Variants in DCAF1 observed in about 807,000 individuals in gnomAD.
DCAF1 encodes the protein DDB1 and CUL4 associated factor 1, also known as DDB1- and CUL4-associated factor 1.
Under a neutral mutation model 128.0 loss-of-function variants are expected in DCAF1, and 15 were observed. The observed-to-expected ratio is 0.12, with a 90% CI of 0.08 to 0.18. DCAF1 has a LOEUF of 0.18. Among genes scored for constraint, DCAF1 ranks in the 10% least tolerant of loss-of-function variants. DCAF1 has a pLI of 1.00. For missense variants in DCAF1, 988 were observed against 1,649.5 expected (o/e 0.60, Z 6.95); for synonymous variants, 610 against 603.0 (o/e 1.01, Z -0.17).
rs1283011955 is a variant in DCAF1, at chr3:51,398,781, A to C, written c.4512T>G (p.Ser1504=). The C allele has an allele frequency of 6.3e-7, 1 of 1,590,544 alleles. No homozygotes were observed. The highest frequency in any genetic ancestry group is 1.8e-5 in the Admixed American group (1 of 56,760). ...CAGTGATGGCTCCTCACTCATTCAG[A>C]GATAAGATGATGTCATCTTCCAAAT... ...NSDLEDDIIL[S]LNE Residue 1504 remains serine (S), a synonymous_variant, in exon 25 of 25, where the codon TCT becomes TCG. Transcript: ENST00000684031.
At chr3:51,503,095 C>T (rs566428327), upstream of DCAF1, among the ~76,000 whole-genome samples, 5 of 152,178 alleles carry the variant, frequency 3.3e-5, no homozygotes, top group African/African-American at 4.8e-5. Flanking sequence ...ATTTATTGAC[C>T]TCTTTGGTAG....
intron 2 of DCAF1, among the ~76,000 whole-genome samples, chr3:51,495,339 G>T (rs1458000367): frequency 6.8e-6 from 1 of 146,334 alleles, no homozygotes; most frequent in Non-Finnish European, 1.5e-5. Flanking sequence ...AAAATATTAA[G>T]AATAATAAAG....
intron 13 of DCAF1, among the ~76,000 whole-genome samples, chr3:51,426,011 T>A (rs2107481334): frequency 6.6e-6 from 1 of 152,326 alleles, no homozygotes; most frequent in East Asian, 1.9e-4. Flanking sequence ...GCTATTTTCG[T>A]AATAATAAGA....
intron 9 of DCAF1, among the ~76,000 whole-genome samples, chr3:51,435,502 T>C (rs1577133543): frequency 2.6e-5 from 4 of 152,144 alleles, no homozygotes; most frequent in African/African-American, 9.7e-5. Context: ...TCAAAATACT[T>C]TGGAACTGTA....
chr3:51,418,005 T>C, intron 17 of DCAF1, 111 bp downstream of exon 17: 1 of 1,377,018 alleles, frequency 7.3e-7, no homozygotes, highest in Non-Finnish European at 9.8e-7. Flanking sequence ...AAGTTAACAA[T>C]AACCGACAGC....
intron 2 of DCAF1, among the ~76,000 whole-genome samples, chr3:51,489,599 C>T (rs1707378750): frequency 6.6e-6 from 1 of 151,982 alleles, no homozygotes. Flanking sequence ...TCAGCCTGGC[C>T]AACATGGTGA....
chr3:51,399,838 C>G (rs1240073482), intron 24 of DCAF1, among the ~76,000 whole-genome samples: 2 of 152,044 alleles, frequency 1.3e-5, no homozygotes, highest in African/African-American at 4.8e-5. Context: ...ACAGACAAAC[C>G]CTGAGCTGGA....
chr3:51,458,554 T>A (rs1438868508), intron 6 of DCAF1, among the ~76,000 whole-genome samples: 2 of 152,096 alleles, frequency 1.3e-5, no homozygotes, highest in Non-Finnish European at 2.9e-5. Context: ...CAGCTCTGCA[T>A]CAAGCGGACC....
At chr3:51,458,368 C>T (rs1407201129) in intron 6 of DCAF1, among the ~76,000 whole-genome samples, 3 of 152,114 alleles carry the variant, frequency 2.0e-5, no homozygotes, top group Non-Finnish European at 2.9e-5. Flanking sequence ...AGCTAACTAT[C>T]CTAAATATAT....
Position 51,439,975 on chromosome 3 carries a change from G to A in DCAF1, c.1128+995C>T, listed in dbSNP as rs1162430512. 6.6e-5 allele frequency among the ~76,000 whole-genome samples: 10 copies of A among 151,566 alleles called. No individual in the cohort carries two copies. The East Asian group carries it at 7.9e-4, about 12-fold the overall frequency. On this transcript the variant is annotated intron_variant, in intron 9 of 24. Coordinates refer to ENST00000684031, the MANE Select transcript of DCAF1 (RefSeq NM_001387579.1). Reference sequence around the variant, plus strand: ...CCACTGCACTCCAGCCTGGGCAACAGAGCGAGACTCCATCTCAAAAAAGAA... The same window carrying A: ...CCACTGCACTCCAGCCTGGGCAACAAAGCGAGACTCCATCTCAAAAAAGAA...
chr3:51,413,947 T>G lies in DCAF1; in HGVS notation c.3931+3A>C. 1 of 1,542,704 alleles carries G rather than the reference T, an allele frequency of 6.5e-7. No individual in the cohort carries two copies. Among genetic ancestry groups the G allele is most frequent in the Non-Finnish European group, 8.7e-7 (1 of 1,143,186 alleles). On this transcript the variant is annotated splice_donor_region_variant and intron_variant, in intron 20 of 24. Coordinates refer to ENST00000684031, the MANE Select transcript of DCAF1 (RefSeq NM_001387579.1). ...GAGAATAATGAAGGATAAGGTTTATTACCTCCATACATCACTGTTCCCGTG... is the reference window on the plus strand; with the variant it reads ...GAGAATAATGAAGGATAAGGTTTATGACCTCCATACATCACTGTTCCCGTG...
At chr3:51,484,099 G>A (rs1553654214) in intron 2 of DCAF1, among the ~76,000 whole-genome samples, 1 of 152,046 alleles carries the variant, frequency 6.6e-6, no homozygotes, top group Non-Finnish European at 1.5e-5. Flanking sequence ...GCAAGAAGCT[G>A]GATCAAAACA....
intron 5 of DCAF1, 142 bp downstream of exon 5, chr3:51,466,661 G>T: frequency 1.5e-6 from 1 of 675,300 alleles, no homozygotes; most frequent in Non-Finnish European, 2.5e-6. Context: ...AAAGCATTAT[G>T]GCCACAACCA....
intron 4 of DCAF1, among the ~76,000 whole-genome samples, chr3:51,467,687 TAAC>T (rs1367147193): frequency 1.3e-5 from 2 of 151,862 alleles, no homozygotes; most frequent in African/African-American, 4.8e-5. Flanking sequence ...AATTTAAAAA[TAAC>T]AACGTAAAAA....
At chr3:51,462,551 A>G (rs894279577) in intron 6 of DCAF1, among the ~76,000 whole-genome samples, 1 of 152,058 alleles carries the variant, frequency 6.6e-6, no homozygotes, top group Non-Finnish European at 1.5e-5. Flanking sequence ...TTCGAGGCCA[A>G]CCTGACCAAC....
rs1318572450 is a variant in DCAF1, at chr3:51,412,471, T to C, written c.4120A>G (p.Ser1374Gly). The C allele has an allele frequency of 1.2e-6, 2 of 1,613,846 alleles. No individual in the cohort carries two copies. The highest frequency in any genetic ancestry group is 1.7e-6 in the Non-Finnish European group (2 of 1,179,874). The change falls in exon 23 of 25, where the codon AGC becomes GGC. Residue 1374 changes from serine (S) to glycine (G), a missense_variant. Ser to Gly is a moderately conservative substitution (Grantham distance 56). Coordinates refer to ENST00000684031, the MANE Select transcript of DCAF1 (RefSeq NM_001387579.1). The stretch of plus-strand genomic sequence containing the variant: ...GTGTCCATGTTCAGGGCATCCATGC[T>C]GCCTTGATTCTGAAATAGAACATCC... ...CYLAVIENQG[S>G]MDALNMDTVC...
chr3:51,417,962 T>C (rs1553630961), intron 17 of DCAF1, among the ~76,000 whole-genome samples, 154 bp downstream of exon 17: 1 of 152,130 alleles, frequency 6.6e-6, no homozygotes, highest in East Asian at 1.9e-4. Context: ...AGATAAAGTC[T>C]TATTAAACAT....
At chr3:51,403,508 G>A in intron 23 of DCAF1, 113 bp from the exon 24 acceptor site, 4 of 1,474,460 alleles carry the variant, frequency 2.7e-6, no homozygotes, top group Non-Finnish European at 3.6e-6. Flanking sequence ...GAGGGTAGTA[G>A]TGATCTAGAC....
chr3:51,422,176 G>C (rs1553632681), intron 14 of DCAF1, 131 bp downstream of exon 14: 2 of 621,988 alleles, frequency 3.2e-6, no homozygotes, highest in Middle Eastern at 2.6e-4. Context: ...ATAAAGGACA[G>C]ACAAGGAGCC....
Sources: gnomAD v4.1 joint callset for allele counts (sites outside exome capture counted in the v4.1 genomes callset) on GRCh38, gnomAD v4.1.1 for gene constraint, MANE v1.5 for transcripts, NCBI Gene and HGNC (gene_info 2026-07-23, HGNC 2026-07-21) for gene names.